CCDC12: variants seen among roughly 807,000 people sequenced by gnomAD.
The protein encoded by CCDC12 is coiled-coil domain containing 12.
CCDC12 carries 28 observed loss-of-function variants against 25.7 expected under a neutral mutation model. The observed-to-expected ratio is 1.09, with a 90% CI of 0.81 to 1.50. The LOEUF (loss-of-function observed/expected upper bound fraction) is 1.50, where lower values mean the gene tolerates loss of function less well. Ranked by LOEUF, CCDC12 falls within the 40% of genes most tolerant of loss-of-function variation. The pLI, the probability that CCDC12 is intolerant of heterozygous loss-of-function variation, is 0.00. For synonymous variants in CCDC12, 75 were observed against 87.7 expected (o/e 0.86, Z 0.81); for missense variants, 198 against 210.0 (o/e 0.94, Z 0.35).
chr3:46,965,154 C>G (rs1453438110), intron 1 of CCDC12, among the ~76,000 whole-genome samples: 3 of 152,044 alleles, frequency 2.0e-5, no homozygotes, highest in African/African-American at 7.2e-5. Context: ...GAGAAAAAAA[C>G]TGAGGGATTC....
intron 1 of CCDC12, among the ~76,000 whole-genome samples, chr3:46,965,467 C>G (rs1291002335): frequency 2.6e-5 from 4 of 152,184 alleles, no homozygotes; most frequent in Non-Finnish European, 5.9e-5. Flanking sequence ...TCCTGAATAG[C>G]CACCCATCTG....
intron 1 of CCDC12, among the ~76,000 whole-genome samples, chr3:46,961,125 G>A (rs2034450375): frequency 6.6e-6 from 1 of 151,926 alleles, no homozygotes; most frequent in Non-Finnish European, 1.5e-5. Context: ...TGTAGGCAGG[G>A]GGCTGGGTGT....
chr3:46,927,177 A>G (rs1273117994), intron 2 of CCDC12, among the ~76,000 whole-genome samples: 1 of 152,072 alleles, frequency 6.6e-6, no homozygotes, highest in Non-Finnish European at 1.5e-5. Context: ...GAGGAAGCCC[A>G]CCTGCACTCC....
chr3:46,947,045 A>G (rs2107152206), intron 1 of CCDC12, among the ~76,000 whole-genome samples: 1 of 152,280 alleles, frequency 6.6e-6, no homozygotes, highest in Non-Finnish European at 1.5e-5. Context: ...CCAGGAACTC[A>G]TGGGTACAGA....
At chr3:46,946,893 C>CA (rs1375728870) in intron 1 of CCDC12, among the ~76,000 whole-genome samples, 1 of 152,190 alleles carries the variant, frequency 6.6e-6, no homozygotes, top group Admixed American at 6.5e-5. Context: ...CCCAAGGACT[C>CA]AAACTTTTAG....
At chr3:46,965,066 A>G (rs959351592) in intron 1 of CCDC12, among the ~76,000 whole-genome samples, 3 of 152,214 alleles carry the variant, frequency 2.0e-5, no homozygotes, top group African/African-American at 7.2e-5. Flanking sequence ...AGGACTCCCA[A>G]GCACACCCAG....
At chr3:46,975,798 T>G (rs929373195) in intron 1 of CCDC12, among the ~76,000 whole-genome samples, 1 of 149,878 alleles carries the variant, frequency 6.7e-6, no homozygotes, top group African/African-American at 2.5e-5. Context: ...CCCAAAGTAC[T>G]GGGCGCGTGA....
At chr3:46,928,076 C>T (rs1575537286) in intron 2 of CCDC12, among the ~76,000 whole-genome samples, 2 of 152,150 alleles carry the variant, frequency 1.3e-5, no homozygotes, top group African/African-American at 2.4e-5. Flanking sequence ...GGGCGAAACC[C>T]GGTCTCTACT....
intron 2 of CCDC12, among the ~76,000 whole-genome samples, chr3:46,933,117 T>C (rs994517504): frequency 2.6e-5 from 4 of 152,224 alleles, no homozygotes; most frequent in Non-Finnish European, 5.9e-5. Context: ...AGTGCTCAAG[T>C]GTTCCTCAAA....
At chr3:46,948,806 A>G in intron 1 of CCDC12, among the ~76,000 whole-genome samples, 1 of 148,124 alleles carries the variant, frequency 6.8e-6, no homozygotes, top group East Asian at 1.9e-4. Context: ...TGTGTCTGTC[A>G]GGAGTGTGGG....
chr3:46,931,964 G>A (rs555200667), intron 2 of CCDC12, among the ~76,000 whole-genome samples: 1 of 152,282 alleles, frequency 6.6e-6, no homozygotes, highest in Non-Finnish European at 1.5e-5. Flanking sequence ...TTTAGGCTCT[G>A]CACATAGAGA....
At chr3:46,954,128 G>T (rs1254989075) in intron 1 of CCDC12, among the ~76,000 whole-genome samples, 1 of 152,024 alleles carries the variant, frequency 6.6e-6, no homozygotes, top group Non-Finnish European at 1.5e-5. Flanking sequence ...GAGGAATCAG[G>T]CACAGGGGGC....
chr3:46,954,603 G>A (rs2034229733), intron 1 of CCDC12, among the ~76,000 whole-genome samples: 1 of 152,184 alleles, frequency 6.6e-6, no homozygotes, highest in Admixed American at 6.5e-5. Flanking sequence ...GGTGGGTCAA[G>A]GGAATAAGAG....
intron 1 of CCDC12, among the ~76,000 whole-genome samples, chr3:46,975,461 A>G (rs62246378): frequency 2.6e-5 from 4 of 151,490 alleles, no homozygotes; most frequent in Non-Finnish European, 4.4e-5. Flanking sequence ...TACAGGCACC[A>G]GCCATTGTGC....
intron 1 of CCDC12, among the ~76,000 whole-genome samples, chr3:46,944,372 C>T (rs544909917): frequency 1.1e-3 from 167 of 152,202 alleles, no homozygotes; most frequent in African/African-American, 3.6e-3. Flanking sequence ...GCTCCCCACA[C>T]AGTTCAGACC....
At chr3:46,972,853 CT>C (rs1158073578) in intron 1 of CCDC12, among the ~76,000 whole-genome samples, 2 of 151,852 alleles carry the variant, frequency 1.3e-5, no homozygotes, top group African/African-American at 2.4e-5. Flanking sequence ...TTGCACACTG[CT>C]GCTGGGAATG....
chr3:46,932,672 A>AG (rs1054456563), intron 2 of CCDC12, among the ~76,000 whole-genome samples: 8 of 152,224 alleles, frequency 5.3e-5, no homozygotes, highest in Non-Finnish European at 1.0e-4. Context: ...TCACAGCCTC[A>AG]GGGGGTGGAC....
At chr3:46,948,985 C>T (rs978097719) in intron 1 of CCDC12, among the ~76,000 whole-genome samples, 7 of 152,196 alleles carry the variant, frequency 4.6e-5, no homozygotes, top group African/African-American at 9.7e-5. Context: ...GGAAGAGGAA[C>T]GAGTAGGCAC....
chr3:46,939,544 TG>T (rs1403526522), intron 2 of CCDC12, among the ~76,000 whole-genome samples: 1 of 152,124 alleles, frequency 6.6e-6, no homozygotes, highest in Non-Finnish European at 1.5e-5. Flanking sequence ...AAGCCACATA[TG>T]TTGGGGTCAC....
Sources: allele counts gnomAD v4.1 joint callset (sites outside exome capture counted in the v4.1 genomes callset), GRCh38; gene constraint gnomAD v4.1.1; transcripts MANE v1.5; gene names NCBI Gene and HGNC (gene_info 2026-07-23, HGNC 2026-07-21).